Variants in MREG observed in about 807,000 individuals in gnomAD.
MREG encodes the protein dilute suppressor protein homolog.
A neutral mutation model predicts 28.5 loss-of-function variants in MREG; 31 were observed. The observed-to-expected ratio is 1.09, with a 90% CI of 0.82 to 1.47. The LOEUF is 1.47. MREG is among the 40% of genes most tolerant of loss of function. MREG has a pLI of 0.00. For missense variants in MREG, 256 were observed against 257.4 expected, an observed-to-expected ratio of 0.99 and a Z score of 0.04; for synonymous variants, 106 against 95.2, an observed-to-expected ratio of 1.11 and a Z score of -0.66.
At chr2:216,023,198 G>T (rs1694551300) in intron 1 of MREG, among the ~76,000 whole-genome samples, 1 of 152,158 alleles carries the variant, frequency 6.6e-6, no homozygotes, top group Admixed American at 6.5e-5. Flanking sequence ...CCCCACAAAG[G>T]TTATATACAA....
At chr2:216,012,394 G>C (rs928691534) in intron 1 of MREG, among the ~76,000 whole-genome samples, 4 of 152,178 alleles carry the variant, frequency 2.6e-5, no homozygotes. Context: ...AGTTGTGCAA[G>C]CTGTATTACG....
intron 2 of MREG, among the ~76,000 whole-genome samples, chr2:215,983,020 C>G (rs2106002718): frequency 6.6e-6 from 1 of 152,328 alleles, no homozygotes; most frequent in South Asian, 2.1e-4. Context: ...GCCCCAAATC[C>G]TCTAAACCCA....
chr2:215,984,518 CAAAAAAAAAAA>C (rs375220091), intron 2 of MREG, among the ~76,000 whole-genome samples: 2 of 68,064 alleles, frequency 2.9e-5, no homozygotes, highest in African/African-American at 1.4e-4. Flanking sequence ...ACCTTGTCAC[CAAAAAAAAAAA>C]AAAAAAAAAA....
intron 1 of MREG, among the ~76,000 whole-genome samples, chr2:216,024,427 G>A (rs1340357303): frequency 6.6e-6 from 1 of 151,500 alleles, no homozygotes; most frequent in Non-Finnish European, 1.5e-5. Flanking sequence ...TCCAACCTGG[G>A]TGACAGAGTG....
chr2:215,941,447 C>G (rs895118428), downstream of MREG, among the ~76,000 whole-genome samples: 1 of 152,210 alleles, frequency 6.6e-6, no homozygotes, highest in Non-Finnish European at 1.5e-5. Flanking sequence ...TAGTGATACT[C>G]TGGTCCTGAA....
chr2:216,026,464 G>A (rs538217903), intron 1 of MREG, among the ~76,000 whole-genome samples: 66 of 152,068 alleles, frequency 4.3e-4, no homozygotes, highest in African/African-American at 1.5e-3. Context: ...AGGGTCCAGC[G>A]ATCCTCCCGT....
chr2:215,994,015 G>A (rs1366584450), intron 2 of MREG, among the ~76,000 whole-genome samples: 2 of 151,962 alleles, frequency 1.3e-5, no homozygotes, highest in Admixed American at 6.5e-5. Flanking sequence ...GATTCCTCAA[G>A]GATCTAGAAC....
intron 1 of MREG, among the ~76,000 whole-genome samples, chr2:216,006,499 A>C (rs993728381): frequency 6.6e-6 from 1 of 152,194 alleles, no homozygotes; most frequent in African/African-American, 2.4e-5. Context: ...CCTGTGAATC[A>C]TTGTCCGGCC....
At chr2:215,974,829 C>CACAG (rs1693200602) in intron 2 of MREG, among the ~76,000 whole-genome samples, 1 of 94,196 alleles carries the variant, frequency 1.1e-5, no homozygotes, top group Non-Finnish European at 2.3e-5. Flanking sequence ...CACACAGACA[C>CACAG]ACACACACAC....
intron 2 of MREG, among the ~76,000 whole-genome samples, chr2:215,984,392 G>A (rs1693509182): frequency 6.6e-6 from 1 of 151,888 alleles, no homozygotes; most frequent in African/African-American, 2.4e-5. Flanking sequence ...AATGGCTCAT[G>A]CCTGCAATCC....
At chr2:215,972,433 A>G (rs1486772841) in intron 2 of MREG, among the ~76,000 whole-genome samples, 1 of 152,170 alleles carries the variant, frequency 6.6e-6, no homozygotes, top group African/African-American at 2.4e-5. Context: ...ACTTGAGGCC[A>G]GGAGTTAGAG....
At chr2:215,994,608 GAGGAAGA>G (rs1393050673) in intron 2 of MREG, among the ~76,000 whole-genome samples, 1 of 103,688 alleles carries the variant, frequency 9.6e-6, no homozygotes, top group Non-Finnish European at 2.4e-5. Flanking sequence ...AGGAGAAGAA[GAGGAAGA>G]AGAAGAGAAG....
intron 1 of MREG, among the ~76,000 whole-genome samples, chr2:216,007,157 C>A (rs1402697683): frequency 6.6e-6 from 1 of 152,228 alleles, no homozygotes; most frequent in Non-Finnish European, 1.5e-5. Flanking sequence ...GACATAATTA[C>A]AGCCAATCTT....
At chr2:216,015,153 A>G (rs892458715), upstream of MREG, among the ~76,000 whole-genome samples, 13 of 55,490 alleles carry the variant, frequency 2.3e-4, no homozygotes, top group African/African-American at 1.7e-3. Flanking sequence ...GTGCGTGCGT[A>G]CGTGTGCGCG....
chr2:215,969,924 T>G (rs1458785333), intron 2 of MREG, among the ~76,000 whole-genome samples: 2 of 152,172 alleles, frequency 1.3e-5, no homozygotes, highest in Non-Finnish European at 2.9e-5. Flanking sequence ...AAAGAAGTGT[T>G]TTCTACTCAT....
chr2:215,996,156 G>C (rs1693867648), intron 2 of MREG, 150 bp downstream of exon 2: 1 of 785,918 alleles, frequency 1.3e-6, no homozygotes, highest in Admixed American at 3.4e-5. Flanking sequence ...TTAGCAACCA[G>C]TGATAATATA....
chr2:215,950,461 A>C (rs1692453796), intron 2 of MREG, among the ~76,000 whole-genome samples: 1 of 152,224 alleles, frequency 6.6e-6, no homozygotes, highest in Non-Finnish European at 1.5e-5. Context: ...TATGAGATTA[A>C]AGATCTGCTA....
intron 2 of MREG, among the ~76,000 whole-genome samples, chr2:215,980,552 C>A (rs1402595652): frequency 6.6e-6 from 1 of 152,210 alleles, no homozygotes; most frequent in African/African-American, 2.4e-5. Flanking sequence ...CCCACAGTTT[C>A]AGTGCATCTA....
rs191434586 is a variant in MREG at position 215,998,390 on chromosome 2, G to A, written c.96-1925C>T. On this transcript the variant is annotated intron_variant, in intron 1 of 4. Coordinates refer to ENST00000263268, the MANE Select transcript of MREG (RefSeq NM_018000.3). ...CCCACTTACAAAAACTAGGGCAAAAGGTGGGACAGAATCTTGGAACCAAGG... is the reference window on the plus strand; with the variant it reads ...CCCACTTACAAAAACTAGGGCAAAAAGTGGGACAGAATCTTGGAACCAAGG... 1.4e-4 allele frequency among the ~76,000 whole-genome samples: 22 copies of A among 152,018 alleles called. No homozygotes were observed. In the East Asian group the frequency reaches 3.9e-3, roughly 27 times the overall value.
Sources: allele counts gnomAD v4.1 joint callset (sites outside exome capture counted in the v4.1 genomes callset), GRCh38; gene constraint gnomAD v4.1.1; transcripts MANE v1.5; gene names NCBI Gene and HGNC (gene_info 2026-07-23, HGNC 2026-07-21).